Variants in ASTN1 observed in about 807,000 individuals in gnomAD.
ASTN1 encodes the protein astrotactin 1, also known as astrotactin-1.
A neutral mutation model predicts 140.7 loss-of-function variants in ASTN1; 41 were observed. That is an observed-to-expected ratio of 0.29 (90% CI 0.23 to 0.38). The LOEUF (loss-of-function observed/expected upper bound fraction) is 0.38. Ranked by LOEUF, ASTN1 falls within the 10% of genes least tolerant of loss-of-function variation. ASTN1 has a pLI of 1.00. For synonymous variants in ASTN1, 640 were observed against 652.2 expected (o/e 0.98, Z 0.29); for missense variants, 1,479 against 1,678.8 (o/e 0.88, Z 2.08).
At chr1:177,061,308 G>T in intron 1 of ASTN1, 43 bp from the exon 2 acceptor site, 3 of 1,428,670 alleles carry the variant, frequency 2.1e-6, no homozygotes, top group Middle Eastern at 1.9e-4. Flanking sequence ...ATTAGGATGG[G>T]ACCAAGTTTT....
At chr1:177,109,421 T>C (rs868113964) in intron 1 of ASTN1, among the ~76,000 whole-genome samples, 4 of 150,652 alleles carry the variant, frequency 2.7e-5, no homozygotes, top group Middle Eastern at 3.4e-3. Context: ...AAATCACACT[T>C]ACACACACAC....
chr1:177,079,859 C>T (rs990746924), intron 1 of ASTN1, among the ~76,000 whole-genome samples: 1 of 152,042 alleles, frequency 6.6e-6, no homozygotes, highest in African/African-American at 2.4e-5. Context: ...GAGAAAGAAT[C>T]CCACACCAGG....
intron 1 of ASTN1, among the ~76,000 whole-genome samples, chr1:177,106,756 C>G: frequency 6.6e-6 from 1 of 152,144 alleles, no homozygotes; most frequent in East Asian, 1.9e-4. Flanking sequence ...TCAGGTAAAC[C>G]TCAAGCTGAA....
intron 22 of ASTN1, among the ~76,000 whole-genome samples, chr1:176,867,375 T>G (rs1668164363): frequency 6.7e-6 from 1 of 149,554 alleles, no homozygotes; most frequent in African/African-American, 2.5e-5. Context: ...TAGAAGGGAG[T>G]GGAGAGGAGA....
At chr1:176,962,435 A>G (rs942794776) in intron 9 of ASTN1, among the ~76,000 whole-genome samples, 1 of 152,236 alleles carries the variant, frequency 6.6e-6, no homozygotes, top group African/African-American at 2.4e-5. Flanking sequence ...ACATATATCT[A>G]TTGAAGGCCT....
At chr1:177,019,518 T>G (rs1675714127) in intron 7 of ASTN1, among the ~76,000 whole-genome samples, 1 of 152,214 alleles carries the variant, frequency 6.6e-6, no homozygotes, top group South Asian at 2.1e-4. Context: ...GTCACAGTGC[T>G]CAGCAGAAGA....
At chr1:177,154,978 A>G (rs527660506) in intron 1 of ASTN1, among the ~76,000 whole-genome samples, 2 of 152,326 alleles carry the variant, frequency 1.3e-5, no homozygotes, top group South Asian at 4.1e-4. Context: ...TCAATAGGTA[A>G]ATGGACAAAC....
At chr1:177,055,669 T>C (rs1464606243) in intron 2 of ASTN1, among the ~76,000 whole-genome samples, 3 of 152,216 alleles carry the variant, frequency 2.0e-5, no homozygotes, top group Admixed American at 6.5e-5. Flanking sequence ...TTTTGTACTT[T>C]CCGACTTATT....
At chr1:176,998,113 C>A (rs1285014697) in intron 8 of ASTN1, among the ~76,000 whole-genome samples, 4 of 152,102 alleles carry the variant, frequency 2.6e-5, no homozygotes, top group Non-Finnish European at 4.4e-5. Flanking sequence ...ATGCTGAAAG[C>A]CAGGATTTGG....
intron 21 of ASTN1, 142 bp downstream of exon 21, chr1:176,876,395 T>TG: frequency 1.2e-6 from 1 of 815,026 alleles, no homozygotes; most frequent in South Asian, 1.7e-5. Flanking sequence ...AAGGCAACGC[T>TG]CCTGTACTGG....
intron 17 of ASTN1, among the ~76,000 whole-genome samples, chr1:176,888,476 G>A (rs527268342): frequency 3.9e-5 from 6 of 152,068 alleles, no homozygotes; most frequent in East Asian, 3.9e-4. Flanking sequence ...GTCATATTCC[G>A]CCCTCCATCT....
At chr1:176,967,447 T>G (rs1672935719) in intron 8 of ASTN1, among the ~76,000 whole-genome samples, 1 of 152,230 alleles carries the variant, frequency 6.6e-6, no homozygotes, top group Admixed American at 6.5e-5. Context: ...AAGAGGGACG[T>G]GCAATTTTAT....
intron 7 of ASTN1, among the ~76,000 whole-genome samples, chr1:177,022,276 C>T (rs961196542): frequency 5.9e-5 from 9 of 152,100 alleles, no homozygotes; most frequent in African/African-American, 2.2e-4. Flanking sequence ...GGTGGCTGCA[C>T]ATGCTGTACA....
At chr1:177,115,951 C>T (rs1243611688) in intron 1 of ASTN1, among the ~76,000 whole-genome samples, 1 of 152,070 alleles carries the variant, frequency 6.6e-6, no homozygotes, top group East Asian at 1.9e-4. Flanking sequence ...ATTGGATTTC[C>T]TCCATGTTTT....
chr1:177,004,500 C>A (rs1290188135), intron 8 of ASTN1, among the ~76,000 whole-genome samples: 1 of 152,020 alleles, frequency 6.6e-6, no homozygotes, highest in African/African-American at 2.4e-5. Flanking sequence ...ACAACAACAA[C>A]AACAAAAGCC....
intron 1 of ASTN1, among the ~76,000 whole-genome samples, chr1:177,086,476 G>C (rs1679475196): frequency 6.6e-6 from 1 of 152,014 alleles, no homozygotes; most frequent in Non-Finnish European, 1.5e-5. Context: ...GTTCCTCTTT[G>C]GGTTAAACTA....
At chr1:176,918,728 C>T (rs183957286) in intron 16 of ASTN1, among the ~76,000 whole-genome samples, 126 of 152,234 alleles carry the variant, frequency 8.3e-4, no homozygotes, top group African/African-American at 2.6e-3. Context: ...CCCCTGAAGC[C>T]ATTTTCCATC....
intron 2 of ASTN1, among the ~76,000 whole-genome samples, chr1:177,034,993 C>A (rs999072642): frequency 6.6e-6 from 1 of 152,162 alleles, no homozygotes; most frequent in Admixed American, 6.5e-5. Flanking sequence ...CAGATGATCA[C>A]AACAGGGTTA....
In ASTN1 at chr1:176,862,052, A is replaced by G; in HGVS notation, c.*2232T>C. On this transcript the variant is annotated 3_prime_UTR_variant, in exon 23 of 23. Transcript: ENST00000361833. ...GTTCTGCACAGATATGAATAGAAGG[A>G]TGGCAAAACAGTAGCAGCAAAGAGA... The G allele has an allele frequency of 1.0e-6, 1 of 985,392 alleles. No homozygotes were observed. Among genetic ancestry groups the G allele is most frequent in the Non-Finnish European group, 1.2e-6 (1 of 829,946 alleles). The allele number at this position is 985,392 out of a possible 1,614,324, so 61.0% of individuals were successfully genotyped here.
Sources: gnomAD v4.1 joint callset for allele counts (sites outside exome capture counted in the v4.1 genomes callset) on GRCh38, gnomAD v4.1.1 for gene constraint, MANE v1.5 for transcripts, NCBI Gene and HGNC (gene_info 2026-07-23, HGNC 2026-07-21) for gene names.